Variants in CNOT10 observed in about 807,000 individuals in gnomAD.
CNOT10 encodes the protein CCR4-NOT transcription complex, subunit 10.
Under a neutral mutation model 94.6 loss-of-function variants are expected in CNOT10, and 30 were observed. The ratio of observed to expected loss-of-function variants is 0.32; its 90% CI spans 0.24 to 0.43. The LOEUF is 0.43. CNOT10 is among the 20% of genes least tolerant of loss of function. CNOT10 has a pLI of 1.00. For missense variants in CNOT10, 759 were observed against 877.2 expected (o/e 0.87, Z 1.70); for synonymous variants, 289 against 301.6 (o/e 0.96, Z 0.43).
chr3:32,753,242 G>T, intron 13 of CNOT10: 1 of 765,958 alleles, frequency 1.3e-6, no homozygotes, highest in Non-Finnish European at 2.4e-6. Context: ...TAGTGCAGAT[G>T]CTAATTTCAG....
At chr3:32,756,619 A>T (rs575429717) in intron 13 of CNOT10, among the ~76,000 whole-genome samples, 1 of 152,318 alleles carries the variant, frequency 6.6e-6, no homozygotes, top group South Asian at 2.1e-4. Context: ...TAGCAAAGTG[A>T]CCTACCAACA....
Position 32,685,215 on chromosome 3 carries a change from A to C in CNOT10, c.-246A>C. 2.3e-6 allele frequency: 1 copy of C among 430,448 alleles called. No individual in the cohort carries two copies. Among genetic ancestry groups the C allele is most frequent in the Non-Finnish European group, 4.2e-6 (1 of 237,472 alleles). 26.7% of individuals were successfully genotyped at this position (430,448 alleles called of 1,614,324 possible). ...TGGGTACCGGGACGCCGTGAGGCGG[A>C]AGCTGTGTATGGCGGGAGGCTGTGG... is the stretch of plus-strand genomic sequence containing the variant. On this transcript the variant is annotated 5_prime_UTR_variant, in exon 1 of 19. Transcript: ENST00000328834.
rs575354735 is a variant in CNOT10, at chr3:32,750,894, T to C, written c.1596-8564T>C. Among the ~76,000 whole-genome samples the C allele has an allele frequency of 6.6e-5, 10 of 152,280 alleles. No individual in the cohort carries two copies. The South Asian group carries it at 2.1e-3, about 32-fold the overall frequency. On this transcript the variant is annotated intron_variant, in intron 13 of 18. Transcript: ENST00000328834. Reference sequence around the variant, plus strand: ...TTGCATAGTGGTTTAATAACTGTCATGGGTATGAACTGACTCTTACATGTT... The same window carrying C: ...TTGCATAGTGGTTTAATAACTGTCACGGGTATGAACTGACTCTTACATGTT...
intron 10 of CNOT10, among the ~76,000 whole-genome samples, chr3:32,732,902 A>C (rs1361489648): frequency 6.6e-6 from 1 of 152,206 alleles, no homozygotes; most frequent in African/African-American, 2.4e-5. Context: ...TGGGGATTTT[A>C]ATTTCCTAGA....
intron 1 of CNOT10, among the ~76,000 whole-genome samples, chr3:32,699,349 G>A (rs77693113): frequency 0.029 from 4,469 of 152,188 alleles, 117 homozygotes; most frequent in African/African-American, 0.064. Flanking sequence ...AACTGTTAAT[G>A]TGCCATTGTA....
At chr3:32,707,564 G>A (rs931128311) in intron 3 of CNOT10, among the ~76,000 whole-genome samples, 1 of 152,152 alleles carries the variant, frequency 6.6e-6, no homozygotes, top group Non-Finnish European at 1.5e-5. Context: ...AGCACTTTGG[G>A]AGGCCGAGGT....
chr3:32,752,985 G>A (rs1700029333), intron 13 of CNOT10: 2 of 466,260 alleles, frequency 4.3e-6, no homozygotes, highest in Admixed American at 5.4e-5. Context: ...AATCGACGAG[G>A]ACCCCCAGGC....
At chr3:32,727,933 T>TAAA (rs60100965) in intron 10 of CNOT10, 63 bp downstream of exon 10, 67 of 771,782 alleles carry the variant, frequency 8.7e-5, no homozygotes, top group South Asian at 1.6e-4. Context: ...ATGGAATGGT[T>TAAA]AAAAAAAAAA....
chr3:32,687,855 A>C (rs895229251), intron 1 of CNOT10: 7 of 152,228 alleles, frequency 4.6e-5, no homozygotes, highest in African/African-American at 1.7e-4. Flanking sequence ...ACTGTTGCAA[A>C]GCATTGTGTT....
chr3:32,762,941 T>A, intron 15 of CNOT10, 78 bp downstream of exon 15: 1 of 1,412,386 alleles, frequency 7.1e-7, no homozygotes, highest in Non-Finnish European at 9.3e-7. Context: ...GTGTGGAAAT[T>A]TAGGCATGGT....
intron 1 of CNOT10, among the ~76,000 whole-genome samples, chr3:32,698,480 A>T (rs1425719709): frequency 6.6e-6 from 1 of 152,192 alleles, no homozygotes; most frequent in African/African-American, 2.4e-5. Context: ...AAGTCACATG[A>T]AATTGAATTT....
At chr3:32,752,337 A>G (rs896060546) in intron 13 of CNOT10, among the ~76,000 whole-genome samples, 3 of 152,112 alleles carry the variant, frequency 2.0e-5, no homozygotes, top group Admixed American at 6.5e-5. Context: ...TGGAAACCCC[A>G]CAGGGCCACT....
intron 4 of CNOT10, among the ~76,000 whole-genome samples, chr3:32,711,596 GT>G (rs1429079910): frequency 6.6e-6 from 1 of 152,142 alleles, no homozygotes; most frequent in Admixed American, 6.6e-5. Context: ...GATGTTTTAA[GT>G]AAGGTAATCA....
In CNOT10 at chr3:32,734,950, G is replaced by C; in HGVS notation, c.1488G>C (p.Glu496Asp). Residue 496 changes from glutamate to aspartate, a missense_variant, in exon 12 of 19, where the codon GAG becomes GAC. Glu to Asp is a conservative substitution (Grantham distance 45, BLOSUM62 2). Around this residue, in one of 3 missense-constraint regions of CNOT10, gnomAD observed 682 missense variants for 799.4 expected, o/e 0.85. Transcript: ENST00000328834. ...KNSNQLGGNT[E>D]SSESSETCSS... is the part of the protein sequence containing the mutation. ...GTAATCAATTAGGTGGGAACACAGA[G>C]AGCAGCGAAAGCAGTGAAACTTGCA... 1 of 1,613,836 alleles carries C rather than the reference G, an allele frequency of 6.2e-7. No homozygotes were observed.
intron 3 of CNOT10, among the ~76,000 whole-genome samples, chr3:32,706,875 C>T (rs756487947): frequency 3.9e-5 from 6 of 152,202 alleles, no homozygotes; most frequent in Non-Finnish European, 7.3e-5. Context: ...CATTGAGATG[C>T]ACATGTTGGT....
intron 1 of CNOT10, among the ~76,000 whole-genome samples, chr3:32,703,214 G>A (rs574082676): frequency 7.9e-5 from 12 of 151,464 alleles, no homozygotes; most frequent in South Asian, 2.1e-4. Context: ...GTGAGCCACC[G>A]TGCCTGGCAA....
At position 32,703,382 on chromosome 3, in the gene CNOT10, A is replaced by G. The variant is rs990029597; in HGVS notation, c.23-486A>G. ...CCGGTGGATACTTGAAACCACAGAT[A>G]GTACTGAACCTATGTACTGCTTTTT... On this transcript the variant is annotated intron_variant, in intron 1 of 18. Coordinates refer to ENST00000328834, the MANE Select transcript of CNOT10 (RefSeq NM_015442.3). Among the ~76,000 whole-genome samples, 62 of 152,190 alleles carry G rather than the reference A, an allele frequency of 4.1e-4. 2 individuals carry two copies. The highest frequency in any genetic ancestry group is 1.0e-4 in the Non-Finnish European group (7 of 68,038).
intron 18 of CNOT10, among the ~76,000 whole-genome samples, chr3:32,772,778 A>G (rs895493522): frequency 2.0e-5 from 3 of 152,118 alleles, no homozygotes; most frequent in Non-Finnish European, 4.4e-5. Flanking sequence ...TAATAGCTGA[A>G]GAAGGGGTCT....
chr3:32,715,329 G>T (rs1698070182), intron 5 of CNOT10, among the ~76,000 whole-genome samples: 1 of 152,184 alleles, frequency 6.6e-6, no homozygotes, highest in African/African-American at 2.4e-5. Flanking sequence ...AGTCAGACAA[G>T]GAGGGGTAGA....
Sources: allele counts gnomAD v4.1 joint callset (sites outside exome capture counted in the v4.1 genomes callset), GRCh38; gene constraint gnomAD v4.1.1; regional missense constraint gnomAD v4.1.1; transcripts MANE v1.5; gene names NCBI Gene and HGNC (gene_info 2026-07-23, HGNC 2026-07-21).